THSD7A: variants seen among roughly 807,000 people sequenced by gnomAD.
THSD7A encodes thrombospondin type-1 domain-containing protein 7A.
In THSD7A, 96 loss-of-function variants were observed where a neutral mutation model predicts 231.3. That is an observed-to-expected ratio of 0.41 (90% CI 0.35 to 0.49). THSD7A has a LOEUF of 0.49. Among genes scored for constraint, THSD7A ranks in the 20% least tolerant of loss-of-function variants. THSD7A has a pLI of 0.05. For missense variants in THSD7A, 2,290 were observed against 2,070.2 expected (o/e 1.11, Z -2.06); for synonymous variants, 940 against 743.3 (o/e 1.26, Z -4.30).
intron 1 of THSD7A, among the ~76,000 whole-genome samples, chr7:11,642,294 T>C (rs1782115278): frequency 6.6e-6 from 1 of 152,122 alleles, no homozygotes; most frequent in Non-Finnish European, 1.5e-5. Flanking sequence ...ACAGTAAGAA[T>C]TATCATTGGT....
At chr7:11,408,929 A>C (rs896793852) in intron 19 of THSD7A, among the ~76,000 whole-genome samples, 2 of 152,230 alleles carry the variant, frequency 1.3e-5, no homozygotes, top group African/African-American at 4.8e-5. Flanking sequence ...TGATAAAAAT[A>C]AGTGTTACAT....
At chr7:11,711,889 G>T (rs1780977753) in intron 1 of THSD7A, among the ~76,000 whole-genome samples, 1 of 150,934 alleles carries the variant, frequency 6.6e-6, no homozygotes. Context: ...ATGTTTTAGG[G>T]GATCACTTAT....
intron 1 of THSD7A, among the ~76,000 whole-genome samples, chr7:11,644,997 C>G (rs1562437717): frequency 6.6e-6 from 1 of 152,010 alleles, no homozygotes; most frequent in African/African-American, 2.4e-5. Flanking sequence ...AAGTGAAAGC[C>G]TGAGTCAAAG....
chr7:11,816,464 G>T (rs1383772064), intron 1 of THSD7A, among the ~76,000 whole-genome samples: 1 of 152,198 alleles, frequency 6.6e-6, no homozygotes, highest in Non-Finnish European at 1.5e-5. Context: ...AGTGTTCATG[G>T]ATATGCTGGC....
intron 1 of THSD7A, among the ~76,000 whole-genome samples, chr7:11,659,814 C>A (rs936622466): frequency 1.3e-5 from 2 of 151,572 alleles, no homozygotes; most frequent in East Asian, 3.9e-4. Flanking sequence ...AATGAGCACA[C>A]TACCTTAATT....
At position 11,605,703 on chromosome 7, in the gene THSD7A, C is replaced by T. The variant is rs544869770; in HGVS notation, c.1023-12201G>A. Among the ~76,000 whole-genome samples the T allele has an allele frequency of 5.3e-5, 8 of 152,270 alleles. No individual in the cohort carries two copies. In the South Asian group the frequency reaches 1.4e-3, roughly 28 times the overall value. ...ATCACACAGATAGAATTTATTACCA[C>T]ATATTAGGCAGTTTACCAATAATTG... On this transcript the variant is annotated intron_variant, in intron 2 of 27. Coordinates refer to ENST00000423059, the MANE Select transcript of THSD7A (RefSeq NM_015204.3).
intron 1 of THSD7A, among the ~76,000 whole-genome samples, chr7:11,742,054 T>C (rs1317736747): frequency 6.6e-6 from 1 of 151,912 alleles, no homozygotes; most frequent in Non-Finnish European, 1.5e-5. Flanking sequence ...AAATTCACAC[T>C]CCTTTTATTC....
At chr7:11,576,841 T>G (rs564863986) in intron 4 of THSD7A, among the ~76,000 whole-genome samples, 1 of 152,342 alleles carries the variant, frequency 6.6e-6, no homozygotes, top group African/African-American at 2.4e-5. Flanking sequence ...CATTTTTGTT[T>G]ATTTTTGCAA....
At chr7:11,744,033 T>C (rs143228993) in intron 1 of THSD7A, among the ~76,000 whole-genome samples, 57 of 152,048 alleles carry the variant, frequency 3.7e-4, no homozygotes, top group African/African-American at 1.2e-3. Context: ...TGATGCCATA[T>C]AGCAATTTCG....
intron 16 of THSD7A, among the ~76,000 whole-genome samples, chr7:11,422,217 T>C (rs1259339041): frequency 1.3e-5 from 2 of 152,080 alleles, no homozygotes; most frequent in Non-Finnish European, 2.9e-5. Context: ...CTAGAAAAAG[T>C]CAGTGAAAAA....
intron 2 of THSD7A, among the ~76,000 whole-genome samples, chr7:11,624,631 C>G (rs6958847): frequency 0.014 from 2,178 of 152,184 alleles, 48 homozygotes; most frequent in African/African-American, 0.049. Flanking sequence ...TACAGTCCTT[C>G]TCTCAAAAAC....
At chr7:11,588,676 G>A (rs773822813) in intron 4 of THSD7A, among the ~76,000 whole-genome samples, 3 of 152,080 alleles carry the variant, frequency 2.0e-5, no homozygotes, top group Non-Finnish European at 4.4e-5. Flanking sequence ...GAATTCTGAA[G>A]GATCTTTGGA....
At chr7:11,515,683 T>C (rs1227902059) in intron 6 of THSD7A, among the ~76,000 whole-genome samples, 2 of 152,238 alleles carry the variant, frequency 1.3e-5, no homozygotes, top group South Asian at 2.1e-4. Flanking sequence ...AAGCTTGTGA[T>C]GGGGAGAAAA....
intron 23 of THSD7A, among the ~76,000 whole-genome samples, chr7:11,395,403 G>A (rs1356398345): frequency 3.3e-5 from 5 of 151,964 alleles, no homozygotes; most frequent in Non-Finnish European, 5.9e-5. Flanking sequence ...GTCAATATTA[G>A]GCAAATCAAT....
At chr7:11,573,585 T>A (rs1790746569) in intron 4 of THSD7A, among the ~76,000 whole-genome samples, 2 of 152,208 alleles carry the variant, frequency 1.3e-5, no homozygotes, top group African/African-American at 4.8e-5. Flanking sequence ...ATTTGTTAAA[T>A]TTTATAGTTG....
At chr7:11,607,392 C>T (rs1055479747) in intron 2 of THSD7A, among the ~76,000 whole-genome samples, 1 of 152,060 alleles carries the variant, frequency 6.6e-6, no homozygotes, top group Admixed American at 6.6e-5. Flanking sequence ...AGATAGTGAT[C>T]ATTCTGTCCC....
intron 1 of THSD7A, among the ~76,000 whole-genome samples, chr7:11,673,057 C>T (rs1783466649): frequency 1.3e-5 from 2 of 152,226 alleles, no homozygotes; most frequent in Admixed American, 1.3e-4. Context: ...AAAACCTTTG[C>T]AATTCAAACA....
chr7:11,428,084 T>C (rs962785899), intron 14 of THSD7A, among the ~76,000 whole-genome samples: 1 of 152,216 alleles, frequency 6.6e-6, no homozygotes, highest in Non-Finnish European at 1.5e-5. Context: ...AAAGTATGTA[T>C]ACAGGTAAGC....
chr7:11,692,199 A>C (rs1206730199), intron 1 of THSD7A, among the ~76,000 whole-genome samples: 1 of 151,576 alleles, frequency 6.6e-6, no homozygotes, highest in Non-Finnish European at 1.5e-5. Context: ...CAAAATTTGC[A>C]GCCTGAAAAC....
Sources: allele counts gnomAD v4.1 joint callset (sites outside exome capture counted in the v4.1 genomes callset), GRCh38; gene constraint gnomAD v4.1.1; transcripts MANE v1.5; gene names NCBI Gene and HGNC (gene_info 2026-07-23, HGNC 2026-07-21).